Variants in RAB6A observed in about 807,000 individuals in gnomAD.
The protein encoded by RAB6A is RAB6A, member RAS oncogene family.
A neutral mutation model predicts 32.3 loss-of-function variants in RAB6A; 8 were observed. That is an observed-to-expected ratio of 0.25 (90% CI 0.15 to 0.45). The LOEUF is 0.45. RAB6A is among the 20% of genes least tolerant of loss of function. The pLI, the probability that RAB6A is intolerant of heterozygous loss-of-function variation, is 1.00. For synonymous variants in RAB6A, 73 were observed against 82.1 expected (o/e 0.89, Z 0.60); for missense variants, 104 against 249.4 (o/e 0.42, Z 3.93).
intron 6 of RAB6A, among the ~76,000 whole-genome samples, chr11:73,680,118 T>TA (rs1018757821): frequency 6.6e-6 from 1 of 151,624 alleles, no homozygotes; most frequent in Non-Finnish European, 1.5e-5. Flanking sequence ...AATAAATAAA[T>TA]AATAAAATAA....
intron 6 of RAB6A, among the ~76,000 whole-genome samples, chr11:73,682,118 G>A (rs993601047): frequency 1.3e-5 from 2 of 151,978 alleles, no homozygotes; most frequent in Admixed American, 6.6e-5. Flanking sequence ...AATTATATAC[G>A]GTGGGTCCAT....
chr11:73,677,565 C>T lies in RAB6A; in HGVS notation c.*333G>A, dbSNP rs1388991393. 2 of 552,790 alleles carry T rather than the reference C, an allele frequency of 3.6e-6. No individual in the cohort carries two copies. The highest frequency in any genetic ancestry group is 3.2e-5 in the East Asian group (1 of 31,292). The allele number at this position is 552,790 out of a possible 1,614,324, so 34.2% of individuals were successfully genotyped here. ...CATACCGCTCGTTAACCAAGCCATA[C>T]TCATACTGTTGAGATTTCCATCATT... On this transcript the variant is annotated 3_prime_UTR_variant, in exon 8 of 8. Coordinates refer to ENST00000336083, the MANE Select transcript of RAB6A (RefSeq NM_198896.2).
chr11:73,704,308 G>C (rs1945797577), intron 6 of RAB6A: 2 of 294,142 alleles, frequency 6.8e-6, no homozygotes, highest in African/African-American at 4.5e-5. Context: ...ACTTGAGCCT[G>C]AGAGGTCAAG....
intron 1 of RAB6A, among the ~76,000 whole-genome samples, chr11:73,737,994 CAAA>C (rs57456237): frequency 2.0e-5 from 2 of 99,716 alleles, no homozygotes; most frequent in African/African-American, 4.1e-5. Flanking sequence ...GACTCCATCT[CAAA>C]AAAAAAAAAA....
At chr11:73,726,041 C>T (rs538106909) in intron 2 of RAB6A, among the ~76,000 whole-genome samples, 1 of 152,170 alleles carries the variant, frequency 6.6e-6, no homozygotes, top group South Asian at 2.1e-4. Flanking sequence ...AATCCCAGCA[C>T]TTTGGAAGGC....
At chr11:73,712,976 C>T (rs1243344307) in intron 5 of RAB6A, among the ~76,000 whole-genome samples, 2 of 151,998 alleles carry the variant, frequency 1.3e-5, no homozygotes, top group Non-Finnish European at 2.9e-5. Flanking sequence ...CCTCGGATTG[C>T]CAAAGTGCTG....
chr11:73,718,215 G>T lies in RAB6A; in HGVS notation c.289+398C>A, dbSNP rs996648965. ...GAGAAAAGCTGGCTAGCAGAAGCTT[G>T]TAATAGCCTCAATAGAAAGCTTGGA... On this transcript the variant is annotated intron_variant, in intron 4 of 7. Transcript: ENST00000336083. 4.3e-4 allele frequency among the ~76,000 whole-genome samples: 65 copies of T among 152,324 alleles called. 1 individual carries two copies. The highest frequency in any genetic ancestry group is 1.5e-3 in the African/African-American group (63 of 41,584).
At chr11:73,714,101 A>C (rs2134936579) in intron 5 of RAB6A, among the ~76,000 whole-genome samples, 1 of 150,526 alleles carries the variant, frequency 6.6e-6, no homozygotes, top group African/African-American at 2.4e-5. Flanking sequence ...CTGAGGCAGG[A>C]GAATCACTTA....
intron 5 of RAB6A, among the ~76,000 whole-genome samples, chr11:73,712,537 G>A (rs1945975764): frequency 6.6e-6 from 1 of 151,966 alleles, no homozygotes; most frequent in Non-Finnish European, 1.5e-5. Flanking sequence ...TTTTAGTAGA[G>A]ACGAGGTTTC....
At chr11:73,752,544 C>T (rs1379661924) in intron 1 of RAB6A, among the ~76,000 whole-genome samples, 2 of 152,092 alleles carry the variant, frequency 1.3e-5, no homozygotes, top group Non-Finnish European at 2.9e-5. Context: ...AGAACTGGCA[C>T]GGTGGCTCAT....
chr11:73,731,538 CAA>C (rs542226534), intron 1 of RAB6A, among the ~76,000 whole-genome samples: 16 of 75,380 alleles, frequency 2.1e-4, no homozygotes, highest in Admixed American at 4.2e-4. Context: ...GACTCCGTCT[CAA>C]AAAAAAAAAA....
chr11:73,710,923 T>G (rs1465037883), intron 5 of RAB6A, among the ~76,000 whole-genome samples: 1 of 152,038 alleles, frequency 6.6e-6, no homozygotes, highest in East Asian at 1.9e-4. Context: ...TCTTTAAACT[T>G]ATAATTTATC....
chr11:73,685,880 C>T (rs1255580163), intron 6 of RAB6A, among the ~76,000 whole-genome samples: 13 of 23,254 alleles, frequency 5.6e-4, no homozygotes, highest in Non-Finnish European at 9.1e-4. Flanking sequence ...AGTGAAACTC[C>T]GTCTCAAAAA....
chr11:73,683,693 C>T (rs1324484112), intron 6 of RAB6A, among the ~76,000 whole-genome samples: 2 of 152,092 alleles, frequency 1.3e-5, no homozygotes, highest in Non-Finnish European at 2.9e-5. Context: ...GCTGGTACCA[C>T]AGGTGTGCGC....
chr11:73,722,333 ATATATATATATTTTTTT>A (rs1319267680), intron 2 of RAB6A: 6 of 18,568 alleles, frequency 3.2e-4, no homozygotes, highest in East Asian at 1.8e-3. Context: ...ATATATATAT[ATATATATATATTTTTTT>A]TTTTTTTTTT....
chr11:73,749,153 T>C (rs115579115), intron 1 of RAB6A, among the ~76,000 whole-genome samples: 98 of 152,140 alleles, frequency 6.4e-4, no homozygotes, highest in Middle Eastern at 3.4e-3. Flanking sequence ...AAATGTGGTA[T>C]ACATCTACCA....
At chr11:73,700,187 T>C (rs895906190) in intron 6 of RAB6A, among the ~76,000 whole-genome samples, 1 of 152,222 alleles carries the variant, frequency 6.6e-6, no homozygotes, top group African/African-American at 2.4e-5. Context: ...TAAAAGAATG[T>C]ACTAATTCCC....
At position 73,735,937 on chromosome 11, in the gene RAB6A, A is replaced by AAAAAAG. The variant is rs56012322; in HGVS notation, c.71-5115_71-5114insCTTTTT. Among the ~76,000 whole-genome samples the AAAAAAG allele has an allele frequency of 1.8e-3, 221 of 123,564 alleles. 6 individuals carry two copies. The highest frequency in any genetic ancestry group is 2.1e-3 in the East Asian group (8 of 3,742). 81.1% of individuals were successfully genotyped at this position (123,564 alleles called of 152,430 possible). On this transcript the variant is annotated intron_variant, in intron 1 of 7. Coordinates refer to ENST00000336083, the MANE Select transcript of RAB6A (RefSeq NM_198896.2). Reference sequence around the variant, plus strand: ...CCTTGCCTTAAAAAAAAAAAAAAAAAAGAGAGAGAGAGACAGAGAGAGATA... The same window carrying AAAAAAG: ...CCTTGCCTTAAAAAAAAAAAAAAAAAAAAAAGAGAGAGAGAGAGACAGAGAGAGATA...
intron 1 of RAB6A, 21 bp from the exon 2 acceptor site, chr11:73,730,844 G>T: frequency 6.3e-7 from 1 of 1,586,498 alleles, no homozygotes; most frequent in African/African-American, 1.4e-5. Flanking sequence ...ACGAAAAAAA[G>T]ATTTGCTCAG....
Sources: allele counts gnomAD v4.1 joint callset (sites outside exome capture counted in the v4.1 genomes callset), GRCh38; gene constraint gnomAD v4.1.1; transcripts MANE v1.5; gene names NCBI Gene and HGNC (gene_info 2026-07-23, HGNC 2026-07-21).